The following PCDH15 variants were observed in gnomAD, a reference collection of about 807,000 sequenced individuals.
PCDH15 encodes the protein protocadherin-15.
Under a neutral mutation model 178.5 loss-of-function variants are expected in PCDH15, and 129 were observed. The ratio of observed to expected loss-of-function variants is 0.72; its 90% CI spans 0.63 to 0.84. PCDH15 has a LOEUF of 0.84. PCDH15 is among the 40% of genes least tolerant of loss of function. PCDH15 has a pLI of 0.00. For synonymous variants in PCDH15, 800 were observed against 732.0 expected, an observed-to-expected ratio of 1.09 and a Z score of -1.50; for missense variants, 2,230 against 2,099.9, an observed-to-expected ratio of 1.06 and a Z score of -1.21.
At chr10:55,606,428 C>T (rs1312613705) in intron 2 of PCDH15, among the ~76,000 whole-genome samples, 20 of 151,006 alleles carry the variant, frequency 1.3e-4, no homozygotes, top group Non-Finnish European at 2.8e-4. Context: ...AAAAAGAGCC[C>T]GCATTGCCAA....
chr10:55,083,550 G>C (rs1262443603), intron 2 of PCDH15, among the ~76,000 whole-genome samples: 3 of 151,734 alleles, frequency 2.0e-5, no homozygotes, highest in African/African-American at 7.3e-5. Flanking sequence ...CATAATACTA[G>C]AAGTCCTAAT....
intron 1 of PCDH15, among the ~76,000 whole-genome samples, chr10:54,716,460 T>TGG (rs2132431491): frequency 1.3e-5 from 2 of 152,142 alleles, no homozygotes; most frequent in East Asian, 3.9e-4. Flanking sequence ...TAGTTCTCCT[T>TGG]GAAGAGGTCC....
intron 1 of PCDH15, among the ~76,000 whole-genome samples, chr10:54,756,840 C>T (rs191250654): frequency 1.9e-4 from 29 of 152,256 alleles, no homozygotes; most frequent in Admixed American, 1.4e-3. Flanking sequence ...AATAAATTCT[C>T]GGCACTTTAA....
chr10:54,245,886 T>C (rs2055871117), intron 8 of PCDH15, among the ~76,000 whole-genome samples: 1 of 152,030 alleles, frequency 6.6e-6, no homozygotes, highest in Admixed American at 6.6e-5. Context: ...CAATATACAA[T>C]TTGCTTTTTA....
In PCDH15 at chr10:54,424,031, C is replaced by A. The variant is rs999866541; in HGVS notation, c.158-45089G>T. Among the ~76,000 whole-genome samples, 8 of 151,704 alleles carry A rather than the reference C, an allele frequency of 5.3e-5. 1 individual carries two copies. Among genetic ancestry groups the A allele is most frequent in the South Asian group, 4.1e-4 (2 of 4,824 alleles). On this transcript the variant is annotated intron_variant, in intron 3 of 37. Coordinates refer to ENST00000644397, the MANE Select transcript of PCDH15 (RefSeq NM_001384140.1). ...TGACAAATGGGATCTAATTAAACTACAGAGCTTCTGCACAGCAAAAGAAAC... is the reference window on the plus strand; with the variant it reads ...TGACAAATGGGATCTAATTAAACTAAAGAGCTTCTGCACAGCAAAAGAAAC...
At chr10:54,525,724 G>A (rs951780739) in intron 3 of PCDH15, among the ~76,000 whole-genome samples, 4 of 152,184 alleles carry the variant, frequency 2.6e-5, no homozygotes, top group Admixed American at 2.0e-4. Flanking sequence ...CTCCCAAAAT[G>A]CTGGGACTAC....
At chr10:54,110,315 G>C (rs906644372) in intron 15 of PCDH15, among the ~76,000 whole-genome samples, 1 of 111,004 alleles carries the variant, frequency 9.0e-6, no homozygotes, top group Admixed American at 9.0e-5. Flanking sequence ...AGTGTGGAAA[G>C]ATTAAAAAAA....
At chr10:54,771,698 C>A (rs1173264279) in intron 1 of PCDH15, among the ~76,000 whole-genome samples, 2 of 152,002 alleles carry the variant, frequency 1.3e-5, no homozygotes, top group African/African-American at 2.4e-5. Context: ...TTAATAAGTA[C>A]AAATTACACA....
At chr10:55,456,140 T>C (rs1839546240) in intron 2 of PCDH15, among the ~76,000 whole-genome samples, 3 of 152,092 alleles carry the variant, frequency 2.0e-5, no homozygotes, top group Admixed American at 2.0e-4. Context: ...GTTTTTCTTC[T>C]AACATGAGAA....
At chr10:54,796,112 C>A (rs1422100242) in intron 1 of PCDH15, among the ~76,000 whole-genome samples, 1 of 151,746 alleles carries the variant, frequency 6.6e-6, no homozygotes, top group Non-Finnish European at 1.5e-5. Context: ...TTCTCTATAG[C>A]AACAGTTATT....
At chr10:55,613,628 T>C (rs536799371) in intron 2 of PCDH15, among the ~76,000 whole-genome samples, 1 of 152,198 alleles carries the variant, frequency 6.6e-6, no homozygotes, top group Non-Finnish European at 1.5e-5. Flanking sequence ...TTTTCTGCTC[T>C]TATGAATTTG....
chr10:54,547,090 A>C (rs2085944271), intron 2 of PCDH15, among the ~76,000 whole-genome samples: 1 of 152,122 alleles, frequency 6.6e-6, no homozygotes, highest in Admixed American at 6.6e-5. Flanking sequence ...TATATTATAA[A>C]ACTTCAAGCA....
At chr10:54,189,986 T>C (rs1297875308) in intron 11 of PCDH15, among the ~76,000 whole-genome samples, 3 of 151,914 alleles carry the variant, frequency 2.0e-5, no homozygotes, top group Non-Finnish European at 2.9e-5. Flanking sequence ...TACATCTATA[T>C]AGCAATAAAA....
chr10:54,774,153 C>T (rs1383102716), intron 1 of PCDH15, among the ~76,000 whole-genome samples: 1 of 151,424 alleles, frequency 6.6e-6, no homozygotes, highest in Non-Finnish European at 1.5e-5. Context: ...CTCAACCTCC[C>T]GAGTAGCTAG....
chr10:55,055,882 T>C (rs1253176958), intron 2 of PCDH15, among the ~76,000 whole-genome samples: 2 of 152,044 alleles, frequency 1.3e-5, no homozygotes, highest in African/African-American at 4.8e-5. Flanking sequence ...GACTGGCAAA[T>C]ATATGTTTTG....
intron 3 of PCDH15, among the ~76,000 whole-genome samples, chr10:54,880,904 A>AC (rs1053829773): frequency 1.1e-4 from 16 of 151,812 alleles, no homozygotes; most frequent in African/African-American, 3.6e-4. Context: ...TTGATGCCAA[A>AC]CAAATTACAT....
chr10:53,864,457 T>TG (rs1442359585), intron 27 of PCDH15, among the ~76,000 whole-genome samples: 26 of 152,340 alleles, frequency 1.7e-4, no homozygotes, highest in Non-Finnish European at 1.5e-4. Context: ...GAAAGTGCCT[T>TG]GGAGTGGCTG....
At chr10:55,062,371 AT>A (rs760913193) in intron 2 of PCDH15, among the ~76,000 whole-genome samples, 7 of 152,178 alleles carry the variant, frequency 4.6e-5, no homozygotes, top group Admixed American at 1.3e-4. Flanking sequence ...GTAAGAAATA[AT>A]TTTTGTTGTC....
At chr10:54,064,289 A>AGGCT (rs1267036381) in intron 18 of PCDH15, among the ~76,000 whole-genome samples, 1 of 152,198 alleles carries the variant, frequency 6.6e-6, no homozygotes, top group Non-Finnish European at 1.5e-5. Flanking sequence ...TGTCTGTGTG[A>AGGCT]GGCTGGCTGG....
Sources: allele counts gnomAD v4.1 joint callset (sites outside exome capture counted in the v4.1 genomes callset), GRCh38; gene constraint gnomAD v4.1.1; transcripts MANE v1.5; gene names NCBI Gene and HGNC (gene_info 2026-07-23, HGNC 2026-07-21).